GRAMD2B: variants seen among roughly 807,000 people sequenced by gnomAD.
The protein encoded by GRAMD2B is GRAM domain containing 2B, also known as GRAM domain-containing protein 2B.
Under a neutral mutation model 59.2 loss-of-function variants are expected in GRAMD2B, and 41 were observed. The observed-to-expected ratio is 0.69, with a 90% CI of 0.54 to 0.90. GRAMD2B has a LOEUF of 0.90. Among genes scored for constraint, GRAMD2B ranks in the 40% least tolerant of loss-of-function variants. The pLI, the probability that GRAMD2B is intolerant of heterozygous loss-of-function variation, is 0.00. For synonymous variants in GRAMD2B, 161 were observed against 182.7 expected (o/e 0.88, Z 0.96); for missense variants, 424 against 500.5 (o/e 0.85, Z 1.46).
intron 1 of GRAMD2B, among the ~76,000 whole-genome samples, chr5:126,415,864 C>T (rs1463709912): frequency 1.3e-5 from 2 of 151,978 alleles, no homozygotes; most frequent in Non-Finnish European, 2.9e-5. Flanking sequence ...TCAGAATAAG[C>T]AATAAAAAGT....
upstream of GRAMD2B, among the ~76,000 whole-genome samples, chr5:126,369,531 T>C (rs1306128670): frequency 6.6e-6 from 1 of 152,208 alleles, no homozygotes; most frequent in Admixed American, 6.5e-5. Flanking sequence ...GCTTTTATTT[T>C]TAGTTAACTT....
intron 1 of GRAMD2B, among the ~76,000 whole-genome samples, chr5:126,377,960 G>C (rs1193409953): frequency 6.6e-6 from 1 of 152,108 alleles, no homozygotes; most frequent in Non-Finnish European, 1.5e-5. Context: ...AGTCAAGACA[G>C]TTCTCTCCTA....
intron 2 of GRAMD2B, among the ~76,000 whole-genome samples, chr5:126,468,418 C>T (rs1196389277): frequency 6.6e-6 from 1 of 152,174 alleles, no homozygotes; most frequent in African/African-American, 2.4e-5. Context: ...TCTTGCTTAT[C>T]CTGTTAGGCC....
chr5:126,427,637 T>C (rs1040168869), intron 1 of GRAMD2B, among the ~76,000 whole-genome samples: 3 of 152,232 alleles, frequency 2.0e-5, no homozygotes, highest in Non-Finnish European at 4.4e-5. Context: ...ATTTTTAGTA[T>C]ATATTTTTAC....
intron 12 of GRAMD2B, 36 bp from the exon 13 acceptor site, chr5:126,488,763 C>A: frequency 7.0e-7 from 1 of 1,430,718 alleles, no homozygotes; most frequent in Non-Finnish European, 9.9e-7. Context: ...TCCTTGTCAT[C>A]CCTGCCCATA....
intron 5 of GRAMD2B, among the ~76,000 whole-genome samples, chr5:126,477,239 G>GAATTC (rs1400733263): frequency 2.0e-5 from 3 of 152,172 alleles, no homozygotes; most frequent in Admixed American, 1.3e-4. Context: ...ACTGAGCCAA[G>GAATTC]AATTCAGGTC....
At chr5:126,361,987 A>G (rs980168317) in intron 1 of GRAMD2B, among the ~76,000 whole-genome samples, 2 of 152,232 alleles carry the variant, frequency 1.3e-5, no homozygotes, top group African/African-American at 4.8e-5. Context: ...GCACACAAGC[A>G]TGTTAAGCCT....
upstream of GRAMD2B, among the ~76,000 whole-genome samples, chr5:126,368,128 T>C (rs1407063808): frequency 1.1e-5 from 1 of 87,598 alleles, no homozygotes; most frequent in Non-Finnish European, 2.5e-5. Context: ...TTTAGTTGTA[T>C]TTTATTTATT....
rs1770871014 is a variant in GRAMD2B, at chr5:126,477,628, G to A, written c.487-64G>A. The A allele has an allele frequency of 5.6e-6, 5 of 887,892 alleles. No individual in the cohort carries two copies. The Middle Eastern group carries it at 8.8e-4, about 156-fold the overall frequency. 55.0% of individuals were successfully genotyped at this position (887,892 alleles called of 1,614,324 possible). On this transcript the variant is annotated intron_variant, in intron 5 of 13. Coordinates refer to ENST00000285689, the MANE Select transcript of GRAMD2B (RefSeq NM_023927.4). ...CCTTTTTTTTCTTTTTTCCTTAAAT[G>A]TGAAGATTTGAAGTGCTGTTCTGTC...
intron 1 of GRAMD2B, among the ~76,000 whole-genome samples, chr5:126,390,661 TG>T (rs1306885484): frequency 6.6e-6 from 1 of 152,238 alleles, no homozygotes; most frequent in East Asian, 1.9e-4. Flanking sequence ...TAAATGCAGC[TG>T]GAAGAGTGAT....
In GRAMD2B at chr5:126,481,622, G is replaced by A. The variant is rs188959676; in HGVS notation, c.735+915G>A. Reference sequence around the variant, plus strand: ...CCCTAATGTCCATCAACTGATTAATGGATTTTTTAAATGTGGTATACCTAT... The same window carrying A: ...CCCTAATGTCCATCAACTGATTAATAGATTTTTTAAATGTGGTATACCTAT... On this transcript the variant is annotated intron_variant, in intron 8 of 13. Transcript: ENST00000285689. Among the ~76,000 whole-genome samples, 273 of 152,058 alleles carry A rather than the reference G, an allele frequency of 1.8e-3. 2 individuals carry two copies. Among genetic ancestry groups the A allele is most frequent in the African/African-American group, 6.3e-3 (262 of 41,472 alleles).
At chr5:126,472,836 G>C (rs562679548) in intron 4 of GRAMD2B, among the ~76,000 whole-genome samples, 1 of 152,304 alleles carries the variant, frequency 6.6e-6, no homozygotes, top group South Asian at 2.1e-4. Context: ...CAAGATGCTG[G>C]GTTCCTGCCA....
chr5:126,491,647 T>G (rs115477495), intron 13 of GRAMD2B, among the ~76,000 whole-genome samples: 169 of 152,220 alleles, frequency 1.1e-3, no homozygotes, highest in African/African-American at 3.9e-3. Context: ...AAAAACAATA[T>G]GTTCTTTCTT....
chr5:126,480,931 C>T, intron 8 of GRAMD2B: 1 of 570,582 alleles, frequency 1.8e-6, no homozygotes, highest in South Asian at 2.2e-5. Flanking sequence ...AAAGAAACAC[C>T]TAGTAGACTA....
chr5:126,382,644 G>A (rs1049253498), intron 1 of GRAMD2B, among the ~76,000 whole-genome samples: 2 of 152,072 alleles, frequency 1.3e-5, no homozygotes, highest in African/African-American at 4.8e-5. Flanking sequence ...TTTCTCTGGA[G>A]GCTCCTTGAT....
chr5:126,425,312 G>T (rs575902849), intron 1 of GRAMD2B, among the ~76,000 whole-genome samples: 161 of 152,196 alleles, frequency 1.1e-3, no homozygotes, highest in Non-Finnish European at 5.1e-4. Flanking sequence ...ATGGATAAAG[G>T]GATAAGAAAA....
At chr5:126,385,032 C>T (rs541751120) in intron 1 of GRAMD2B, among the ~76,000 whole-genome samples, 2 of 152,290 alleles carry the variant, frequency 1.3e-5, no homozygotes, top group South Asian at 4.1e-4. Flanking sequence ...CGGATGAATA[C>T]ATTTCAGGTA....
rs1326051490 is a variant in GRAMD2B, at chr5:126,486,935, A to C, written c.1121A>C (p.Gln374Pro). The change falls in exon 12 of 14, where the codon CAG becomes CCG. Residue 374 changes from glutamine to proline, a missense_variant. Coordinates refer to ENST00000285689, the MANE Select transcript of GRAMD2B (RefSeq NM_023927.4). Reference protein sequence around the residue: ...MRYRINTLEEQLGLLTSIVDT... With the variant: ...MRYRINTLEEPLGLLTSIVDT... The stretch of plus-strand genomic sequence containing the variant: ...TACAGAATTAATACTCTGGAGGAGC[A>C]GCTGGGGTTACTAACCTCCATTGTG... 3 of 1,612,166 alleles carry C rather than the reference A, an allele frequency of 1.9e-6. No individual in the cohort carries two copies. The Admixed American group carries it at 5.0e-5, about 27-fold the overall frequency.
At chr5:126,401,074 G>T (rs371994494) in intron 1 of GRAMD2B, among the ~76,000 whole-genome samples, 1 of 151,780 alleles carries the variant, frequency 6.6e-6, no homozygotes, top group South Asian at 2.1e-4. Context: ...GCATATATAG[G>T]TTTGGTTGAT....
Sources: allele counts gnomAD v4.1 joint callset (sites outside exome capture counted in the v4.1 genomes callset), GRCh38; gene constraint gnomAD v4.1.1; transcripts MANE v1.5; gene names NCBI Gene and HGNC (gene_info 2026-07-23, HGNC 2026-07-21).